Variants in PTPRT observed in about 807,000 individuals in gnomAD.
PTPRT encodes the protein protein tyrosine phosphatase receptor type T.
Under a neutral mutation model 176.8 loss-of-function variants are expected in PTPRT, and 56 were observed. That is an observed-to-expected ratio of 0.32 (90% CI 0.26 to 0.40). The LOEUF (loss-of-function observed/expected upper bound fraction) is 0.40, where lower values mean the gene tolerates loss of function less well. Ranked by LOEUF, PTPRT falls within the 10% of genes least tolerant of loss-of-function variation. The pLI is 1.00. For missense variants in PTPRT, 1,540 were observed against 1,908.2 expected, an observed-to-expected ratio of 0.81 and a Z score of 3.60; for synonymous variants, 783 against 739.0, an observed-to-expected ratio of 1.06 and a Z score of -0.96.
chr20:42,804,769 T>A (rs1274349200), intron 2 of PTPRT, among the ~76,000 whole-genome samples: 1 of 152,222 alleles, frequency 6.6e-6, no homozygotes, highest in African/African-American at 2.4e-5. Context: ...TTCCTTGGGT[T>A]GTAGATGTAC....
intron 11 of PTPRT, among the ~76,000 whole-genome samples, chr20:42,320,527 T>A (rs1394678754): frequency 6.6e-6 from 1 of 152,172 alleles, no homozygotes; most frequent in Non-Finnish European, 1.5e-5. Context: ...GAAAGATGCA[T>A]ATTTTAGTCC....
chr20:42,497,343 C>G (rs944112191), intron 7 of PTPRT, among the ~76,000 whole-genome samples: 3 of 151,890 alleles, frequency 2.0e-5, no homozygotes, highest in African/African-American at 7.3e-5. Flanking sequence ...GCATTAAAAA[C>G]TTGTTCAGGT....
chr20:43,126,976 T>C (rs2013463574), intron 1 of PTPRT, among the ~76,000 whole-genome samples: 2 of 152,142 alleles, frequency 1.3e-5, no homozygotes, highest in South Asian at 4.1e-4. Flanking sequence ...GAAATAGACT[T>C]ACGATTATTA....
At position 42,379,362 on chromosome 20, in the gene PTPRT, T is replaced by C. The variant is rs571872939; in HGVS notation, c.1561-27077A>G. Among the ~76,000 whole-genome samples, 3 of 152,320 alleles carry C rather than the reference T, an allele frequency of 2.0e-5. No homozygotes were observed. The South Asian group carries it at 6.2e-4, about 32-fold the overall frequency. ...TCATTTCCCTGCAGCAATAGAGAAA[T>C]CCCAACTGTTTAATCATAACAGAAG... On this transcript the variant is annotated intron_variant, in intron 9 of 30. Coordinates refer to ENST00000373187, the MANE Select transcript of PTPRT (RefSeq NM_007050.6).
chr20:42,051,961 G>A, the PTPRT span, among the ~76,000 whole-genome samples: 1 of 152,174 alleles, frequency 6.6e-6, no homozygotes, highest in African/African-American at 2.4e-5. Context: ...GAATTTCCTC[G>A]AGACCTGGCT....
rs1259218680 is a variant in PTPRT, at chr20:42,115,152, C to G, written c.3099+47G>C. On this transcript the variant is annotated intron_variant, in intron 22 of 30. Transcript: ENST00000373187. The stretch of plus-strand genomic sequence containing the variant: ...CACATGTTCTGGATGAACAAACAAG[C>G]TGGCTCTCATGGTGGACCGGCTGCC... 5 of 1,377,106 alleles carry G rather than the reference C, an allele frequency of 3.6e-6. No homozygotes were observed. The African/African-American group carries it at 7.1e-5, about 20-fold the overall frequency. The allele number at this position is 1,377,106 out of a possible 1,614,324, so 85.3% of individuals were successfully genotyped here.
chr20:42,810,598 T>C lies in PTPRT; in HGVS notation c.215-19132A>G, dbSNP rs977703977. 3.9e-5 allele frequency among the ~76,000 whole-genome samples: 6 copies of C among 152,222 alleles called. 1 individual carries two copies. The South Asian group carries it at 8.3e-4, about 21-fold the overall frequency. ...CGCAGTTCTGAAGCTTACCATTGTA[T>C]AAAATAATACCTGGTGTCTATAGTC... On this transcript the variant is annotated intron_variant, in intron 2 of 30. Coordinates refer to ENST00000373187, the MANE Select transcript of PTPRT (RefSeq NM_007050.6).
At position 43,185,873 on chromosome 20, in the gene PTPRT, G is replaced by A. The variant is rs1310114134; in HGVS notation, c.88+3773C>T. ...CTTGAACCCAGGAGGCAGAGGTTGCGGTGAGCCAAGACTGCACCACTGCAC... is the reference window on the plus strand; with the variant it reads ...CTTGAACCCAGGAGGCAGAGGTTGCAGTGAGCCAAGACTGCACCACTGCAC... On this transcript the variant is annotated intron_variant, in intron 1 of 30. Coordinates refer to ENST00000373187, the MANE Select transcript of PTPRT (RefSeq NM_007050.6). 7.9e-5 allele frequency among the ~76,000 whole-genome samples: 12 copies of A among 152,096 alleles called. No homozygotes were observed. The East Asian group carries it at 1.2e-3, about 15-fold the overall frequency.
At chr20:42,893,147 T>A (rs1233762432) in intron 1 of PTPRT, among the ~76,000 whole-genome samples, 1 of 151,978 alleles carries the variant, frequency 6.6e-6, no homozygotes, top group Non-Finnish European at 1.5e-5. Context: ...GAATCTACAA[T>A]GAACTCAAAC....
In PTPRT at chr20:42,241,984, T is replaced by C. The variant is rs76576414; in HGVS notation, c.2313-5726A>G. The stretch of plus-strand genomic sequence containing the variant: ...ACCCAACTCTGCCATTTATTAGGTA[T>C]GTGATTCCAGGTAATTTCCTTAAAC... On this transcript the variant is annotated intron_variant, in intron 14 of 30. Transcript: ENST00000373187. Among the ~76,000 whole-genome samples, 488 of 152,336 alleles carry C rather than the reference T, an allele frequency of 3.2e-3. 5 individuals are homozygous for C. The highest frequency in any genetic ancestry group is 0.01 in the African/African-American group (423 of 41,580).
At chr20:42,520,796 G>A (rs1041157255) in intron 7 of PTPRT, among the ~76,000 whole-genome samples, 1 of 128,734 alleles carries the variant, frequency 7.8e-6, no homozygotes, top group African/African-American at 3.2e-5. Context: ...ACAGAGCTTG[G>A]AAAGACATAT....
chr20:42,928,888 T>C (rs1201754826), intron 1 of PTPRT, among the ~76,000 whole-genome samples: 1 of 152,230 alleles, frequency 6.6e-6, no homozygotes, highest in Non-Finnish European at 1.5e-5. Context: ...ACTGACCCTG[T>C]CAGTCCCATC....
intron 1 of PTPRT, among the ~76,000 whole-genome samples, chr20:42,907,681 A>G (rs2079496042): frequency 6.6e-6 from 1 of 152,152 alleles, no homozygotes; most frequent in South Asian, 2.1e-4. Flanking sequence ...AGGATGCTCA[A>G]CCTGGGTGTC....
chr20:43,163,368 G>A (rs966589666), intron 1 of PTPRT, among the ~76,000 whole-genome samples: 1 of 152,176 alleles, frequency 6.6e-6, no homozygotes, highest in Non-Finnish European at 1.5e-5. Context: ...GCCAGGCGCG[G>A]TGGCTCGTGA....
Position 42,749,003 on chromosome 20 carries a change from A to G in PTPRT, c.859+7459T>C, listed in dbSNP as rs1306283277. Among the ~76,000 whole-genome samples the G allele has an allele frequency of 3.9e-5, 6 of 152,152 alleles. No individual in the cohort carries two copies. The East Asian group carries it at 1.2e-3, about 29-fold the overall frequency. On this transcript the variant is annotated intron_variant, in intron 6 of 30. Transcript: ENST00000373187. ...GAACTCCTGCCCTGAGTCTGCTTCT[A>G]GGGGTCTCAACGCCATGTGCCTTTT... is the stretch of plus-strand genomic sequence containing the variant.
At chr20:42,414,948 T>C (rs1396394636) in intron 9 of PTPRT, among the ~76,000 whole-genome samples, 5 of 152,132 alleles carry the variant, frequency 3.3e-5, no homozygotes, top group African/African-American at 7.2e-5. Context: ...TAGCGGGAGA[T>C]AGATCTATCA....
intron 1 of PTPRT, among the ~76,000 whole-genome samples, chr20:43,068,287 G>A (rs541534427): frequency 1.1e-4 from 16 of 150,032 alleles, no homozygotes; most frequent in African/African-American, 2.5e-4. Context: ...GGCGGATCAC[G>A]AGGTCAGGAG....
At chr20:42,942,854 A>T (rs1354475182) in intron 1 of PTPRT, among the ~76,000 whole-genome samples, 1 of 152,198 alleles carries the variant, frequency 6.6e-6, no homozygotes, top group Non-Finnish European at 1.5e-5. Flanking sequence ...AGCATATAAG[A>T]AGTGTTCAAT....
chr20:42,529,125 C>T (rs2072331282), intron 7 of PTPRT, among the ~76,000 whole-genome samples: 1 of 152,206 alleles, frequency 6.6e-6, no homozygotes, highest in African/African-American at 2.4e-5. Flanking sequence ...TCAAGTTTCA[C>T]TACATAACCC....
Sources: gnomAD v4.1 joint callset for allele counts (sites outside exome capture counted in the v4.1 genomes callset) on GRCh38, gnomAD v4.1.1 for gene constraint, MANE v1.5 for transcripts, NCBI Gene and HGNC (gene_info 2026-07-23, HGNC 2026-07-21) for gene names.